Variants in EPHA6 observed in about 807,000 individuals in gnomAD.
EPHA6 encodes ephrin type-A receptor 6.
A neutral mutation model predicts 112.0 loss-of-function variants in EPHA6; 50 were observed. The observed-to-expected ratio is 0.45, with a 90% CI of 0.36 to 0.56. The LOEUF is 0.56. EPHA6 is among the 20% of genes least tolerant of loss of function. The pLI is 0.00. For synonymous variants in EPHA6, 529 were observed against 490.7 expected (o/e 1.08, Z -1.03); for missense variants, 1,280 against 1,417.4 (o/e 0.90, Z 1.56).
intron 1 of EPHA6, among the ~76,000 whole-genome samples, chr3:96,840,402 A>C (rs950990986): frequency 1.3e-5 from 2 of 152,108 alleles, no homozygotes; most frequent in Non-Finnish European, 2.9e-5. Flanking sequence ...GAGAGATTTC[A>C]CACAGGTGCC....
At chr3:97,208,681 A>G (rs958027148) in intron 3 of EPHA6, among the ~76,000 whole-genome samples, 4 of 151,942 alleles carry the variant, frequency 2.6e-5, no homozygotes, top group Non-Finnish European at 5.9e-5. Context: ...CTGGAGGTGG[A>G]TGTTGCAGTG....
At chr3:97,638,375 A>G (rs2093969556) in intron 14 of EPHA6, among the ~76,000 whole-genome samples, 1 of 152,136 alleles carries the variant, frequency 6.6e-6, no homozygotes, top group Admixed American at 6.5e-5. Flanking sequence ...CATGGGCTGA[A>G]GTATCTTTGA....
chr3:97,739,671 G>T (rs1238825073), intron 16 of EPHA6, among the ~76,000 whole-genome samples: 1 of 151,978 alleles, frequency 6.6e-6, no homozygotes, highest in Non-Finnish European at 1.5e-5. Flanking sequence ...CACTCCCATG[G>T]GAATATTCAG....
rs1437462958 is a variant in EPHA6, at chr3:97,755,828, T to C, written c.*7127T>C. ...ACAGTCTTAATTTGGCTCTGTTCTA[T>C]AAAGACTCAATATCATTTAATTTTT... On this transcript the variant is annotated 3_prime_UTR_variant, in exon 18 of 18. Transcript: ENST00000389672. 6.6e-6 allele frequency among the ~76,000 whole-genome samples: 1 copy of C among 152,070 alleles called. No individual in the cohort carries two copies. The highest frequency in any genetic ancestry group is 1.5e-5 in the Non-Finnish European group (1 of 67,916).
chr3:97,573,660 G>A (rs1223370576), intron 11 of EPHA6, among the ~76,000 whole-genome samples: 1 of 151,920 alleles, frequency 6.6e-6, no homozygotes, highest in African/African-American at 2.4e-5. Context: ...AGTTACATAT[G>A]TATACATGTG....
chr3:97,685,799 C>G (rs1560265130), intron 14 of EPHA6, among the ~76,000 whole-genome samples: 1 of 152,132 alleles, frequency 6.6e-6, no homozygotes, highest in Admixed American at 6.6e-5. Flanking sequence ...GTACTTTTAA[C>G]ACATGGTAAT....
In EPHA6 at chr3:96,989,552, A is replaced by G. The variant is rs113087063; in HGVS notation, c.1114+1559A>G. ...AAAGTGCATGTATTAGTTTGTTCTC[A>G]TACTGCTATAAGAACTTCCTGAGAC... On this transcript the variant is annotated intron_variant, in intron 3 of 17. Transcript: ENST00000389672. Among the ~76,000 whole-genome samples the G allele has an allele frequency of 5.1e-3, 781 of 152,330 alleles. 7 individuals are homozygous for G. Among genetic ancestry groups the G allele is most frequent in the African/African-American group, 0.017 (709 of 41,580 alleles).
chr3:97,351,944 A>G (rs996665530), intron 5 of EPHA6, among the ~76,000 whole-genome samples: 1 of 152,088 alleles, frequency 6.6e-6, no homozygotes, highest in African/African-American at 2.4e-5. Flanking sequence ...TAATAAACAT[A>G]CCCCCCATTA....
intron 2 of EPHA6, among the ~76,000 whole-genome samples, chr3:96,950,442 A>G (rs1245099382): frequency 1.3e-5 from 2 of 152,050 alleles, no homozygotes; most frequent in Non-Finnish European, 2.9e-5. Flanking sequence ...ACTGAGTTGC[A>G]TTTCTCTCTC....
chr3:97,324,511 C>CTCTTTCTT (rs778298984), intron 5 of EPHA6, among the ~76,000 whole-genome samples: 4 of 23,370 alleles, frequency 1.7e-4, no homozygotes, highest in Non-Finnish European at 3.5e-4. Context: ...TCATCTCTTT[C>CTCTTTCTT]TCTTTCTTTC....
chr3:97,151,500 T>C (rs1212937688), intron 3 of EPHA6, among the ~76,000 whole-genome samples: 1 of 152,018 alleles, frequency 6.6e-6, no homozygotes, highest in African/African-American at 2.4e-5. Context: ...GTCAACCAAA[T>C]TCAATTGATA....
At chr3:97,259,385 T>C (rs763661318) in intron 5 of EPHA6, among the ~76,000 whole-genome samples, 1 of 152,184 alleles carries the variant, frequency 6.6e-6, no homozygotes. Context: ...TTATCATAAA[T>C]GTATTTCTCA....
At chr3:97,397,985 A>T (rs2086788005) in intron 5 of EPHA6, among the ~76,000 whole-genome samples, 1 of 151,516 alleles carries the variant, frequency 6.6e-6, no homozygotes, top group South Asian at 2.1e-4. Context: ...ATCCATTTTT[A>T]TTTGTTACCG....
intron 3 of EPHA6, among the ~76,000 whole-genome samples, chr3:96,993,425 T>TA (rs2043289553): frequency 6.6e-6 from 1 of 151,880 alleles, no homozygotes; most frequent in Admixed American, 6.6e-5. Context: ...GCCTCCTGAG[T>TA]AACTGAGATT....
At chr3:97,258,251 TACACACAC>T (rs368778044) in intron 5 of EPHA6, among the ~76,000 whole-genome samples, 1 of 147,436 alleles carries the variant, frequency 6.8e-6, no homozygotes, top group South Asian at 2.1e-4. Flanking sequence ...TATATATATA[TACACACAC>T]ACACACACAC....
intron 3 of EPHA6, among the ~76,000 whole-genome samples, chr3:97,143,887 G>T (rs955442021): frequency 2.0e-5 from 3 of 151,656 alleles, no homozygotes; most frequent in African/African-American, 7.3e-5. Flanking sequence ...TGTATTCAGG[G>T]AGGTAAAATA....
At chr3:97,373,566 C>T (rs186358636) in intron 5 of EPHA6, among the ~76,000 whole-genome samples, 1 of 151,958 alleles carries the variant, frequency 6.6e-6, no homozygotes, top group Non-Finnish European at 1.5e-5. Context: ...AAAATTGATG[C>T]AAGAATGGCT....
chr3:97,278,629 T>G (rs1382727271), intron 5 of EPHA6, among the ~76,000 whole-genome samples: 1 of 152,166 alleles, frequency 6.6e-6, no homozygotes, highest in Non-Finnish European at 1.5e-5. Context: ...TAGAAGTCTA[T>G]ACACTCTGTC....
intron 5 of EPHA6, among the ~76,000 whole-genome samples, chr3:97,306,980 C>G (rs566521952): frequency 5.3e-5 from 8 of 151,548 alleles, no homozygotes; most frequent in Admixed American, 2.0e-4. Context: ...TATTTCCCTC[C>G]CTGTATTTTG....
Sources: gnomAD v4.1 joint callset for allele counts (sites outside exome capture counted in the v4.1 genomes callset) on GRCh38, gnomAD v4.1.1 for gene constraint, MANE v1.5 for transcripts, NCBI Gene and HGNC (gene_info 2026-07-23, HGNC 2026-07-21) for gene names.